Variants in SLC37A3 observed in about 807,000 individuals in gnomAD.
SLC37A3 encodes sugar phosphate exchanger 3.
In SLC37A3, 51 loss-of-function variants were observed where a neutral mutation model predicts 67.1. The ratio of observed to expected loss-of-function variants is 0.76; its 90% confidence interval spans 0.61 to 0.96. The LOEUF is 0.96. Among genes scored for constraint, SLC37A3 ranks in the 40% least tolerant of loss-of-function variants. The pLI is 0.00. For missense variants in SLC37A3, 508 were observed against 603.0 expected (o/e 0.84, Z 1.65); for synonymous variants, 214 against 231.4 (o/e 0.92, Z 0.68).
intron 12 of SLC37A3, chr7:140,344,149 C>G (rs566966345): frequency 1.3e-5 from 2 of 154,816 alleles, no homozygotes; most frequent in Admixed American, 6.5e-5. Context: ...CTTTTCTGGC[C>G]GGGCGCAGTG....
chr7:140,388,968 C>T (rs1798618099), intron 1 of SLC37A3, among the ~76,000 whole-genome samples: 1 of 152,120 alleles, frequency 6.6e-6, no homozygotes, highest in Non-Finnish European at 1.5e-5. Context: ...GTGAAACCGC[C>T]TTTGCAAAAC....
chr7:140,359,309 C>G (rs959838670), intron 5 of SLC37A3, among the ~76,000 whole-genome samples: 2 of 150,546 alleles, frequency 1.3e-5, no homozygotes, highest in African/African-American at 4.9e-5. Flanking sequence ...TGCCACTGCA[C>G]TCCAGCCTGC....
At chr7:140,384,990 G>A (rs776486297) in intron 1 of SLC37A3, among the ~76,000 whole-genome samples, 30 of 152,132 alleles carry the variant, frequency 2.0e-4, no homozygotes, top group Non-Finnish European at 2.9e-4. Context: ...CTTGCAACTT[G>A]TAGATAAAAG....
intron 1 of SLC37A3, among the ~76,000 whole-genome samples, chr7:140,387,288 C>T (rs1798491781): frequency 6.6e-6 from 1 of 151,016 alleles, no homozygotes; most frequent in Admixed American, 6.6e-5. Flanking sequence ...CTGGGCAACA[C>T]AGCAAAACCC....
At chr7:140,364,350 ATTAC>A (rs1302604074) in intron 5 of SLC37A3, 54 bp downstream of exon 5, 2 of 1,456,940 alleles carry the variant, frequency 1.4e-6, no homozygotes, top group African/African-American at 2.8e-5. Context: ...AAGTAGGGAG[ATTAC>A]TTAGATTCTA....
chr7:140,362,284 G>A (rs1404070284), intron 5 of SLC37A3, among the ~76,000 whole-genome samples: 7 of 133,840 alleles, frequency 5.2e-5, no homozygotes, highest in South Asian at 5.5e-4. Flanking sequence ...CGGCCGCCCC[G>A]TCTGAGAAGT....
chr7:140,360,732 T>TAAA (rs10631882), intron 5 of SLC37A3, among the ~76,000 whole-genome samples: 22,071 of 137,066 alleles, frequency 0.16, 2,195 homozygotes, highest in Non-Finnish European at 0.22. Context: ...AGACTCCGTT[T>TAAA]AAAAAAAAAA....
intron 2 of SLC37A3, among the ~76,000 whole-genome samples, chr7:140,382,127 C>T (rs1798282446): frequency 6.6e-6 from 1 of 150,504 alleles, no homozygotes; most frequent in African/African-American, 2.4e-5. Flanking sequence ...GCAGATGAAA[C>T]GTTCTTTGTT....
chr7:140,396,700 C>G (rs1030201225), intron 1 of SLC37A3, among the ~76,000 whole-genome samples: 1 of 152,096 alleles, frequency 6.6e-6, no homozygotes, highest in South Asian at 2.1e-4. Flanking sequence ...TTGATCCTGA[C>G]AGCTAGAAAG....
chr7:140,335,681 A>G (rs1177465515), intron 14 of SLC37A3, among the ~76,000 whole-genome samples, 177 bp from the exon 15 acceptor site: 1 of 152,256 alleles, frequency 6.6e-6, no homozygotes, highest in African/African-American at 2.4e-5. Context: ...ATATTACAAA[A>G]CACTCAACAT....
intron 7 of SLC37A3, among the ~76,000 whole-genome samples, chr7:140,353,499 A>G (rs1796898032): frequency 6.6e-6 from 1 of 151,622 alleles, no homozygotes; most frequent in African/African-American, 2.4e-5. Flanking sequence ...AAGAAAGTAC[A>G]GTAAAAACTC....
intron 13 of SLC37A3, 152 bp downstream of exon 13, chr7:140,343,260 G>T: frequency 2.0e-6 from 2 of 982,618 alleles, no homozygotes; most frequent in Non-Finnish European, 3.1e-6. Context: ...GGACGCATCA[G>T]CTGGTCCTGA....
intron 4 of SLC37A3, among the ~76,000 whole-genome samples, chr7:140,369,089 C>A (rs1797718725): frequency 6.6e-6 from 1 of 152,164 alleles, no homozygotes; most frequent in African/African-American, 2.4e-5. Flanking sequence ...CTGAGCCCCA[C>A]CGCATCTCTG....
At chr7:140,383,833 T>A (rs527295216) in intron 1 of SLC37A3, among the ~76,000 whole-genome samples, 1 of 152,166 alleles carries the variant, frequency 6.6e-6, no homozygotes, top group Non-Finnish European at 1.5e-5. Context: ...TGAGCCGCCA[T>A]GCCTGGCTAA....
At position 140,343,530 on chromosome 7, in the gene SLC37A3, C is replaced by A. The variant is rs1388916577; in HGVS notation, c.1208G>T (p.Ser403Ile). The A allele has an allele frequency of 7.4e-6, 12 of 1,614,032 alleles. No individual in the cohort carries two copies. Among genetic ancestry groups the A allele is most frequent in the African/African-American group, 1.3e-5 (1 of 74,920 alleles). ...ACCCAAGTCCGCAGAAATAGCAGAA[C>A]TAATCATATTAGAAGGTCCACCAAT... ...FFIGGPSNMISSAISADLGRQ... is the reference protein window; with the variant it reads ...FFIGGPSNMIISAISADLGRQ... The change falls in exon 13 of 15, where the codon AGT becomes ATT. Residue 403 changes from serine to isoleucine, a missense_variant. Transcript: ENST00000326232.
chr7:140,374,496 C>CAAAA (rs5887970), intron 3 of SLC37A3, among the ~76,000 whole-genome samples: 1 of 125,580 alleles, frequency 8.0e-6, no homozygotes, highest in Admixed American at 8.0e-5. Flanking sequence ...GACTCAATCT[C>CAAAA]AAAAAAAAAA....
chr7:140,373,933 G>C (rs1371200701), intron 3 of SLC37A3, among the ~76,000 whole-genome samples: 1 of 151,922 alleles, frequency 6.6e-6, no homozygotes, highest in Non-Finnish European at 1.5e-5. Context: ...ATTTTGTTTT[G>C]AAAAAGTCAT....
At chr7:140,357,253 AT>A (rs1333123684) in intron 6 of SLC37A3, among the ~76,000 whole-genome samples, 7 of 152,210 alleles carry the variant, frequency 4.6e-5, no homozygotes, top group African/African-American at 1.7e-4. Flanking sequence ...AACCTAGCAT[AT>A]GATCCAGCCA....
chr7:140,336,920 G>A (rs1443223205), intron 14 of SLC37A3, among the ~76,000 whole-genome samples: 1 of 149,676 alleles, frequency 6.7e-6, no homozygotes, highest in African/African-American at 2.4e-5. Context: ...CCAATATGGT[G>A]AAACCCCATC....
Sources: allele counts gnomAD v4.1 joint callset (sites outside exome capture counted in the v4.1 genomes callset), GRCh38; gene constraint gnomAD v4.1.1; transcripts MANE v1.5; gene names NCBI Gene and HGNC (gene_info 2026-07-23, HGNC 2026-07-21).